The following IL1R1 variants were observed in gnomAD, a reference collection of about 807,000 sequenced individuals.
The protein encoded by IL1R1 is interleukin-1 receptor type 1.
A neutral mutation model predicts 50.2 loss-of-function variants in IL1R1; 22 were observed. That is an observed-to-expected ratio of 0.44 (90% CI 0.31 to 0.63). IL1R1 has a LOEUF of 0.63. Among genes scored for constraint, IL1R1 ranks in the 20% least tolerant of loss-of-function variants. The pLI, the probability that IL1R1 is intolerant of heterozygous loss-of-function variation, is 0.07. For synonymous variants in IL1R1, 251 were observed against 236.7 expected (o/e 1.06, Z -0.55); for missense variants, 509 against 676.2 (o/e 0.75, Z 2.74).
At chr2:102,165,389 T>G in intron 5 of IL1R1, 85 bp downstream of exon 5, 1 of 659,590 alleles carries the variant, frequency 1.5e-6, no homozygotes, top group Non-Finnish European at 2.4e-6. Context: ...CAAAGTACCT[T>G]TTTATTTTGT....
intron 9 of IL1R1, among the ~76,000 whole-genome samples, chr2:102,174,260 G>C (rs1291298923): frequency 1.3e-5 from 2 of 152,160 alleles, no homozygotes; most frequent in Non-Finnish European, 2.9e-5. Context: ...TGACCTCAGG[G>C]AACTTTTGTA....
chr2:102,116,266 TC>T (rs1209770744), intron 1 of IL1R1, among the ~76,000 whole-genome samples: 5 of 152,252 alleles, frequency 3.3e-5, no homozygotes, highest in African/African-American at 1.2e-4. Context: ...CTTTTCTTGT[TC>T]CCCCACGTAA....
chr2:102,158,699 T>C (rs1333247774), intron 3 of IL1R1, among the ~76,000 whole-genome samples: 3 of 152,200 alleles, frequency 2.0e-5, no homozygotes, highest in South Asian at 2.1e-4. Context: ...TTATATGGAA[T>C]GTTGTGCCCT....
intron 6 of IL1R1, among the ~76,000 whole-genome samples, chr2:102,166,539 T>G (rs1324087269): frequency 6.6e-6 from 1 of 152,196 alleles, no homozygotes; most frequent in Admixed American, 6.5e-5. Context: ...GGGTTGTTCT[T>G]TGGCATGGCT....
chr2:102,081,979 A>C (rs1221730241), intron 1 of IL1R1, among the ~76,000 whole-genome samples: 1 of 152,214 alleles, frequency 6.6e-6, no homozygotes, highest in East Asian at 1.9e-4. Context: ...TTGTTTATCA[A>C]ATGTTAGCCT....
chr2:102,173,620 A>G (rs1283059165), intron 9 of IL1R1, among the ~76,000 whole-genome samples: 1 of 152,242 alleles, frequency 6.6e-6, no homozygotes, highest in African/African-American at 2.4e-5. Flanking sequence ...AAGGATATAC[A>G]ATGTTCATAG....
upstream of IL1R1, among the ~76,000 whole-genome samples, chr2:102,103,341 G>A (rs979873112): frequency 6.6e-6 from 1 of 152,070 alleles, no homozygotes; most frequent in African/African-American, 2.4e-5. Context: ...CTGGAAAGAA[G>A]GGGAAGGAGC....
In IL1R1 at chr2:102,149,081, G is replaced by A. The variant is rs562803870; in HGVS notation, c.-83-4860G>A. Among the ~76,000 whole-genome samples the A allele has an allele frequency of 5.3e-5, 8 of 152,304 alleles. 2 individuals carry two copies. The highest frequency in any genetic ancestry group is 1.7e-4 in the African/African-American group (7 of 41,558). On this transcript the variant is annotated intron_variant, in intron 1 of 11. Coordinates refer to ENST00000410023, the MANE Select transcript of IL1R1 (RefSeq NM_000877.4). ...ATTTTCAGTAGAACACATGGGCTGTGACATTTCATGAGCTAAAGAACCTGC... is the reference window on the plus strand; with the variant it reads ...ATTTTCAGTAGAACACATGGGCTGTAACATTTCATGAGCTAAAGAACCTGC...
upstream of IL1R1, among the ~76,000 whole-genome samples, chr2:102,103,258 G>A (rs184276511): frequency 4.6e-5 from 7 of 152,288 alleles, no homozygotes; most frequent in Non-Finnish European, 7.3e-5. Flanking sequence ...CAGAGAGAAG[G>A]CACAGGTTCA....
At chr2:102,115,260 A>G (rs1681005352) in intron 1 of IL1R1, among the ~76,000 whole-genome samples, 1 of 152,180 alleles carries the variant, frequency 6.6e-6, no homozygotes, top group East Asian at 1.9e-4. Flanking sequence ...CCAAGTAAAC[A>G]AGAAGCTGGT....
chr2:102,113,577 A>C (rs1441404661), intron 1 of IL1R1, among the ~76,000 whole-genome samples: 1 of 152,180 alleles, frequency 6.6e-6, no homozygotes, highest in Non-Finnish European at 1.5e-5. Context: ...GTAGAACTTG[A>C]CTGGAAATCC....
At chr2:102,142,693 C>T (rs903048768), upstream of IL1R1, 5 of 151,602 alleles carry the variant, frequency 3.3e-5, no homozygotes, top group African/African-American at 1.2e-4. Flanking sequence ...GAGCCGTCTC[C>T]GCCCGTTCCC....
At chr2:102,143,529 C>G (rs1017169536) in intron 1 of IL1R1, among the ~76,000 whole-genome samples, 3 of 152,198 alleles carry the variant, frequency 2.0e-5, no homozygotes, top group African/African-American at 7.2e-5. Flanking sequence ...CAGCACTTTA[C>G]AGTTTATAAG....
chr2:102,084,604 G>T (rs1048891691), intron 1 of IL1R1, among the ~76,000 whole-genome samples: 24 of 152,184 alleles, frequency 1.6e-4, no homozygotes, highest in Admixed American at 6.5e-4. Flanking sequence ...ATCATATTTT[G>T]TGAATATGCT....
At chr2:102,103,323 G>A (rs1680228978), upstream of IL1R1, among the ~76,000 whole-genome samples, 1 of 152,018 alleles carries the variant, frequency 6.6e-6, no homozygotes. Context: ...AGCAAATGGC[G>A]GTGAAAACTG....
At chr2:102,116,930 C>T (rs1300452381) in intron 1 of IL1R1, among the ~76,000 whole-genome samples, 1 of 152,078 alleles carries the variant, frequency 6.6e-6, no homozygotes, top group South Asian at 2.1e-4. Flanking sequence ...TTCATTATTC[C>T]ATTGTGACGT....
chr2:102,094,150 C>T (rs1050257632), intron 1 of IL1R1, among the ~76,000 whole-genome samples: 2 of 152,312 alleles, frequency 1.3e-5, no homozygotes, highest in South Asian at 4.1e-4. Context: ...CAAAATAAAG[C>T]ACATGTAACT....
chr2:102,134,124 C>G (rs1682202671), intron 1 of IL1R1, among the ~76,000 whole-genome samples: 1 of 152,142 alleles, frequency 6.6e-6, no homozygotes, highest in Admixed American at 6.5e-5. Context: ...AAACAATAGC[C>G]TTCACAATAG....
At position 102,127,402 on chromosome 2, in the gene IL1R1, A is replaced by G. The variant is rs200848750; in HGVS notation, c.-84+22530A>G. On this transcript the variant is annotated intron_variant, in intron 1 of 10. Coordinates refer to the IL1R1 transcript ENST00000409329. ...TCAAGTGCAAGAACCTTTAATGGGC[A>G]GAGTTAAATGACACATTTATTCATC... 9.8e-5 allele frequency among the ~76,000 whole-genome samples: 15 copies of G among 152,332 alleles called. No individual in the cohort carries two copies. The East Asian group carries it at 2.7e-3, about 27-fold the overall frequency.
Sources: allele counts gnomAD v4.1 joint callset (sites outside exome capture counted in the v4.1 genomes callset), GRCh38; gene constraint gnomAD v4.1.1; transcripts MANE v1.5; gene names NCBI Gene and HGNC (gene_info 2026-07-23, HGNC 2026-07-21).